PVT1: variants seen among roughly 807,000 people sequenced by gnomAD.
PVT1 encodes CXCR4/PVT1 fusion.
intron 5 of PVT1, among the ~76,000 whole-genome samples, chr8:128,088,129 C>T (rs907337366): frequency 1.6e-4 from 24 of 152,070 alleles, no homozygotes; most frequent in African/African-American, 5.6e-4. Flanking sequence ...ATTTTATTTG[C>T]CAGAAAATAT....
At chr8:127,815,402 C>T (rs577629764) in intron 2 of PVT1, among the ~76,000 whole-genome samples, 1 of 152,316 alleles carries the variant, frequency 6.6e-6, no homozygotes, top group South Asian at 2.1e-4. Context: ...GTGTGAGGCA[C>T]AGACATTTTA....
intron 3 of PVT1, among the ~76,000 whole-genome samples, chr8:127,949,283 G>A (rs1333890092): frequency 6.6e-6 from 1 of 152,024 alleles, no homozygotes; most frequent in Non-Finnish European, 1.5e-5. Flanking sequence ...GGCCCACCCA[G>A]TAGTGCCTGG....
intron 4 of PVT1, among the ~76,000 whole-genome samples, chr8:128,051,364 C>G (rs200955108): frequency 6.6e-6 from 1 of 152,028 alleles, no homozygotes; most frequent in Non-Finnish European, 1.5e-5. Flanking sequence ...AGATGGATGC[C>G]CATAATTTTA....
intron 4 of PVT1, among the ~76,000 whole-genome samples, chr8:127,996,193 A>G (rs1422525099): frequency 3.3e-5 from 5 of 152,214 alleles, no homozygotes; most frequent in Middle Eastern, 3.4e-3. Context: ...TAAATTTGTA[A>G]CAAAGTAAAT....
chr8:127,874,726 G>T lies in PVT1; in HGVS notation n.373-15863G>T, dbSNP rs116533439. On this transcript the variant is annotated intron_variant and non_coding_transcript_variant, in intron 2 of 10. Coordinates refer to ENST00000651587, the Ensembl canonical transcript of PVT1. ...CAGAAGTGAAGCAGTTCAATTTGTT[G>T]TGTGATCTTCTTCTTCCCCAAAAGA... Among the ~76,000 whole-genome samples, 770 of 152,294 alleles carry T rather than the reference G, an allele frequency of 5.1e-3. 12 individuals carry two copies. Among genetic ancestry groups the T allele is most frequent in the African/African-American group, 0.017 (721 of 41,566 alleles).
At chr8:127,850,849 C>G (rs1815099614) in intron 2 of PVT1, among the ~76,000 whole-genome samples, 1 of 151,850 alleles carries the variant, frequency 6.6e-6, no homozygotes, top group African/African-American at 2.4e-5. Context: ...CAAAACCCCG[C>G]CTCTACTAAA....
chr8:127,884,807 G>C (rs559978118), intron 2 of PVT1, among the ~76,000 whole-genome samples: 1 of 152,340 alleles, frequency 6.6e-6, no homozygotes, highest in African/African-American at 2.4e-5. Flanking sequence ...TTTGCAGGCG[G>C]AGGGCGAGGT....
At chr8:128,056,044 ACT>A (rs1160557064) in intron 4 of PVT1, among the ~76,000 whole-genome samples, 2 of 151,994 alleles carry the variant, frequency 1.3e-5, no homozygotes, top group African/African-American at 4.8e-5. Flanking sequence ...CAGGTTTATG[ACT>A]CTCAGCTTCT....
chr8:127,933,139 G>A lies in PVT1; in HGVS notation n.782+42141G>A, dbSNP rs538674017. Among the ~76,000 whole-genome samples the A allele has an allele frequency of 6.6e-5, 10 of 152,216 alleles. No individual in the cohort carries two copies. The South Asian group carries it at 1.9e-3, about 28-fold the overall frequency. On this transcript the variant is annotated intron_variant and non_coding_transcript_variant, in intron 3 of 10. Transcript: ENST00000651587. The stretch of plus-strand genomic sequence containing the variant: ...TGCCCAAGCTGGAGTGCAATGGCAC[G>A]ATCTCGGCTCACTGCAACCTCTGCC...
chr8:127,797,231 C>T (rs1036345749), intron 2 of PVT1, among the ~76,000 whole-genome samples: 6 of 152,170 alleles, frequency 3.9e-5, no homozygotes, highest in Non-Finnish European at 7.3e-5. Context: ...GGAGTTTCTC[C>T]AGATTGGTCA....
intron 3 of PVT1, among the ~76,000 whole-genome samples, chr8:127,985,366 A>G (rs1166672450): frequency 3.3e-5 from 5 of 150,138 alleles, no homozygotes; most frequent in Non-Finnish European, 5.9e-5. Flanking sequence ...GCCTCAAACG[A>G]TCTTCCTGCC....
intron 2 of PVT1, among the ~76,000 whole-genome samples, chr8:127,816,938 GT>G (rs1470103778): frequency 2.0e-5 from 3 of 152,124 alleles, no homozygotes; most frequent in Non-Finnish European, 4.4e-5. Flanking sequence ...GTGATAATCT[GT>G]TCCATTGTGT....
rs148214881 is a variant in PVT1, at chr8:127,942,062, G to A, written n.783-47100G>A. 1.8e-3 allele frequency among the ~76,000 whole-genome samples: 278 copies of A among 152,320 alleles called. 2 individuals carry two copies. Among genetic ancestry groups the A allele is most frequent in the African/African-American group, 6.4e-3 (264 of 41,562 alleles). On this transcript the variant is annotated intron_variant and non_coding_transcript_variant, in intron 3 of 10. Coordinates refer to ENST00000651587, the Ensembl canonical transcript of PVT1. Reference sequence around the variant, plus strand: ...GTCCCAGGTCCCCAGGCCCACAGATGTTGGGCCCTCAGAGTGTGATCCCAT... The same window carrying A: ...GTCCCAGGTCCCCAGGCCCACAGATATTGGGCCCTCAGAGTGTGATCCCAT...
chr8:127,892,844 G>A (rs1815629170), intron 3 of PVT1, among the ~76,000 whole-genome samples: 3 of 152,086 alleles, frequency 2.0e-5, no homozygotes, highest in Non-Finnish European at 4.4e-5. Flanking sequence ...GGGATCAGTT[G>A]GGAAAGACAG....
At chr8:128,089,840 G>A (rs1056949427) in intron 5 of PVT1, among the ~76,000 whole-genome samples, 19 of 152,162 alleles carry the variant, frequency 1.2e-4, no homozygotes, top group African/African-American at 1.2e-4. Flanking sequence ...ATTAGAAACC[G>A]TTAGAGAATG....
chr8:127,809,092 G>A lies in PVT1; in HGVS notation n.372+13021G>A, dbSNP rs564737057. Among the ~76,000 whole-genome samples, 218 of 151,340 alleles carry A rather than the reference G, an allele frequency of 1.4e-3. 1 individual carries two copies. Among genetic ancestry groups the A allele is most frequent in the Non-Finnish European group, 1.8e-3 (122 of 67,866 alleles). ...AAGAAAAAGAAAAGGACTTCTTGGA[G>A]GGCAAAGTTTGAGGGAAGAGTTAGC... On this transcript the variant is annotated intron_variant and non_coding_transcript_variant, in intron 2 of 10. Transcript: ENST00000651587.
chr8:128,024,593 C>G (rs1389926876), intron 4 of PVT1, among the ~76,000 whole-genome samples: 1 of 152,108 alleles, frequency 6.6e-6, no homozygotes, highest in Non-Finnish European at 1.5e-5. Flanking sequence ...TGTCACTGCA[C>G]TCCAGCCTGG....
At chr8:127,835,738 A>G (rs1194100768) in intron 2 of PVT1, among the ~76,000 whole-genome samples, 1 of 152,218 alleles carries the variant, frequency 6.6e-6, no homozygotes, top group African/African-American at 2.4e-5. Context: ...CTGAAATTGC[A>G]GTGAGTGAGT....
intron 4 of PVT1, among the ~76,000 whole-genome samples, chr8:128,016,633 A>G (rs1227948881): frequency 6.6e-6 from 1 of 152,220 alleles, no homozygotes; most frequent in Non-Finnish European, 1.5e-5. Context: ...TTCACTACAA[A>G]GGAGACAGCA....
Sources: gnomAD v4.1 joint callset for allele counts (sites outside exome capture counted in the v4.1 genomes callset) on GRCh38, gnomAD v4.1.1 for gene constraint, MANE v1.5 for transcripts, NCBI Gene and HGNC (gene_info 2026-07-23, HGNC 2026-07-21) for gene names.